SHANK2: variants seen among roughly 807,000 people sequenced by gnomAD.
SHANK2 encodes SH3 and multiple ankyrin repeat domains 2.
A neutral mutation model predicts 133.7 loss-of-function variants in SHANK2; 43 were observed. The ratio of observed to expected loss-of-function variants is 0.32; its 90% CI spans 0.25 to 0.41. SHANK2 has a LOEUF of 0.41. Ranked by LOEUF, SHANK2 falls within the 10% of genes least tolerant of loss-of-function variation. The pLI is 1.00. For synonymous variants in SHANK2, 1,017 were observed against 952.8 expected (o/e 1.07, Z -1.24); for missense variants, 1,994 against 2,235.8 (o/e 0.89, Z 2.18).
At chr11:71,140,412 C>G (rs1952532372) in intron 3 of SHANK2, among the ~76,000 whole-genome samples, 1 of 152,250 alleles carries the variant, frequency 6.6e-6, no homozygotes, top group African/African-American at 2.4e-5. Context: ...GCTGGGGAAA[C>G]AGCCCCTGCC....
At chr11:70,575,689 A>G (rs2060107418) in intron 17 of SHANK2, among the ~76,000 whole-genome samples, 2 of 149,886 alleles carry the variant, frequency 1.3e-5, no homozygotes, top group Non-Finnish European at 3.0e-5. Context: ...ACTGCAAGTA[A>G]GTCGACACTC....
At chr11:70,950,705 T>G (rs1039437304) in intron 10 of SHANK2, among the ~76,000 whole-genome samples, 2 of 152,164 alleles carry the variant, frequency 1.3e-5, no homozygotes, top group Non-Finnish European at 2.9e-5. Context: ...CCTCTCAGGT[T>G]CAAGTGATTC....
At chr11:70,850,660 C>T (rs1277350737) in intron 11 of SHANK2, among the ~76,000 whole-genome samples, 1 of 152,208 alleles carries the variant, frequency 6.6e-6, no homozygotes, top group Admixed American at 6.5e-5. Context: ...GTCACTGTGC[C>T]TGCAGCTCCC....
In SHANK2 at chr11:70,596,825, G is replaced by A. The variant is rs141644589; in HGVS notation, c.2061+63003C>T. ...TCCCCCAGTGTGAGGAATCATCGAG[G>A]CTTCTCGGAGGAGGAGAGAACAGAG... On this transcript the variant is annotated intron_variant, in intron 17 of 25. Coordinates refer to ENST00000601538, the MANE Select transcript of SHANK2 (RefSeq NM_012309.5). 6.1e-3 allele frequency among the ~76,000 whole-genome samples: 924 copies of A among 152,314 alleles called. 8 individuals carry two copies. Among genetic ancestry groups the A allele is most frequent in the African/African-American group, 0.021 (854 of 41,566 alleles).
chr11:70,504,962 C>T (rs1468921428), intron 17 of SHANK2, among the ~76,000 whole-genome samples: 3 of 152,140 alleles, frequency 2.0e-5, no homozygotes, highest in African/African-American at 7.2e-5. Flanking sequence ...GTTTCTGTTC[C>T]CCGTACCACT....
intron 10 of SHANK2, among the ~76,000 whole-genome samples, chr11:70,930,839 T>TC (rs1334279784): frequency 6.7e-6 from 1 of 150,034 alleles, no homozygotes; most frequent in Non-Finnish European, 1.5e-5. Flanking sequence ...CCCAGCGGTT[T>TC]TTTTTTTTTT....
chr11:70,936,627 G>A (rs1950574945), intron 10 of SHANK2, among the ~76,000 whole-genome samples: 1 of 152,250 alleles, frequency 6.6e-6, no homozygotes. Flanking sequence ...TCTCTATCTT[G>A]TTGACAATCA....
chr11:71,242,997 G>A (rs1210380577), intron 1 of SHANK2, among the ~76,000 whole-genome samples: 1 of 152,162 alleles, frequency 6.6e-6, no homozygotes, highest in Admixed American at 6.5e-5. Flanking sequence ...CGGGGAAATT[G>A]GAAAACACTT....
intron 12 of SHANK2, among the ~76,000 whole-genome samples, chr11:70,814,730 C>T (rs377389821): frequency 5.3e-5 from 8 of 152,312 alleles, no homozygotes; most frequent in Middle Eastern, 3.4e-3. Context: ...ATGGACAGGG[C>T]GGCAGCATTC....
At chr11:70,754,480 T>C (rs765432559) in intron 14 of SHANK2, among the ~76,000 whole-genome samples, 1 of 152,168 alleles carries the variant, frequency 6.6e-6, no homozygotes, top group Non-Finnish European at 1.5e-5. Flanking sequence ...TAAGCCACCA[T>C]ATAAACAAAC....
chr11:70,949,813 G>A (rs533364774), intron 10 of SHANK2, among the ~76,000 whole-genome samples: 1 of 152,378 alleles, frequency 6.6e-6, no homozygotes, highest in South Asian at 2.1e-4. Flanking sequence ...GCTGATGACA[G>A]TATCCACAGT....
chr11:71,063,654 C>A (rs1045934718), intron 9 of SHANK2, among the ~76,000 whole-genome samples: 2 of 152,134 alleles, frequency 1.3e-5, no homozygotes, highest in Non-Finnish European at 2.9e-5. Flanking sequence ...GGCTCCCTTG[C>A]GAGGCTGCTG....
chr11:70,672,065 TC>T (rs143286160), intron 15 of SHANK2, among the ~76,000 whole-genome samples: 56,616 of 127,598 alleles, frequency 0.44, 13,220 homozygotes, highest in Non-Finnish European at 0.53. Context: ...CTTTTCTTTT[TC>T]TTTTTTTTTT....
intron 15 of SHANK2, among the ~76,000 whole-genome samples, chr11:70,676,085 C>G (rs1395340724): frequency 6.6e-6 from 1 of 152,252 alleles, no homozygotes; most frequent in Non-Finnish European, 1.5e-5. Flanking sequence ...TCAAAGCGCA[C>G]TGCAATAGCC....
intron 14 of SHANK2, among the ~76,000 whole-genome samples, chr11:70,733,701 GA>G (rs1297775487): frequency 2.0e-5 from 3 of 152,236 alleles, no homozygotes; most frequent in Non-Finnish European, 4.4e-5. Flanking sequence ...AGGTCATGGA[GA>G]GGGGGGTGGC....
intron 10 of SHANK2, among the ~76,000 whole-genome samples, chr11:70,947,286 T>TGTGCA (rs1950762276): frequency 6.6e-6 from 1 of 151,892 alleles, no homozygotes; most frequent in Non-Finnish European, 1.5e-5. Flanking sequence ...TCCAGAACAT[T>TGTGCA]GTGCAGTAGG....
chr11:70,906,195 C>T (rs1244982707), intron 10 of SHANK2, among the ~76,000 whole-genome samples: 2 of 152,172 alleles, frequency 1.3e-5, no homozygotes, highest in African/African-American at 2.4e-5. Context: ...CCCCAGGCTC[C>T]GACAAGGTGC....
In SHANK2 at chr11:70,479,553, A is replaced by G. The variant is rs1269486761; in HGVS notation, c.4979+5761T>C. Reference sequence around the variant, plus strand: ...CTGAAGCCCATCCATCCCATGGGGAAGCGAAGGCCAATCTCGAGGTCCCTT... The same window carrying G: ...CTGAAGCCCATCCATCCCATGGGGAGGCGAAGGCCAATCTCGAGGTCCCTT... On this transcript the variant is annotated intron_variant, in intron 25 of 25. Coordinates refer to ENST00000601538, the MANE Select transcript of SHANK2 (RefSeq NM_012309.5). The surrounding 1 kb of genome is among the most constrained non-coding windows in gnomAD (Gnocchi z 4.4). 6.6e-6 allele frequency among the ~76,000 whole-genome samples: 1 copy of G among 152,206 alleles called. No individual in the cohort carries two copies. The highest frequency in any genetic ancestry group is 1.5e-5 in the Non-Finnish European group (1 of 68,034).
intron 14 of SHANK2, among the ~76,000 whole-genome samples, chr11:70,789,689 G>C (rs530511319): frequency 2.0e-5 from 3 of 152,342 alleles, no homozygotes; most frequent in East Asian, 1.9e-4. Flanking sequence ...AGGTGCCCAG[G>C]AGTGAAGTAG....
Sources: gnomAD v4.1 joint callset for allele counts (sites outside exome capture counted in the v4.1 genomes callset) on GRCh38, gnomAD v4.1.1 for gene constraint, Gnocchi (gnomAD v3.1) non-coding constraint, MANE v1.5 for transcripts, NCBI Gene and HGNC (gene_info 2026-07-23, HGNC 2026-07-21) for gene names.